PRKD1: variants seen among roughly 807,000 people sequenced by gnomAD.
The protein encoded by PRKD1 is protein kinase D1.
PRKD1 carries 63 observed loss-of-function variants against 95.9 expected under a neutral mutation model. That is an observed-to-expected ratio of 0.66 (90% CI 0.54 to 0.81). The LOEUF (loss-of-function observed/expected upper bound fraction) is 0.81, where lower values mean the gene tolerates loss of function less well. Ranked by LOEUF, PRKD1 falls within the 30% of genes least tolerant of loss-of-function variation. The probability of loss-of-function intolerance (pLI) is 0.00; values close to 1 mark genes in which losing one functional copy is unlikely to be tolerated. For synonymous variants in PRKD1, 425 were observed against 423.1 expected (o/e 1.00, Z -0.05); for missense variants, 1,048 against 1,165.3 (o/e 0.90, Z 1.47).
In PRKD1 at chr14:29,799,762, T is replaced by C. The variant is rs1046896805; in HGVS notation, c.265-74088A>G. The stretch of plus-strand genomic sequence containing the variant: ...AATGTATTTATGACACCAAAATAAA[T>C]ACTGCAGTGCTTTCGGGGTCACTTG... On this transcript the variant is annotated intron_variant, in intron 1 of 17. Coordinates refer to ENST00000331968, the MANE Select transcript of PRKD1 (RefSeq NM_002742.3). Among the ~76,000 whole-genome samples, 5 of 152,250 alleles carry C rather than the reference T, an allele frequency of 3.3e-5. No individual in the cohort carries two copies. In the South Asian group the frequency reaches 6.2e-4, roughly 19 times the overall value.
rs72239992 is a variant in PRKD1, at chr14:29,750,616, G to GCGCGCACACACACACA, written c.265-24943_265-24942insTGTGTGTGTGTGCGCG. Among the ~76,000 whole-genome samples the GCGCGCACACACACACA allele has an allele frequency of 8.1e-4, 120 of 148,480 alleles. 2 individuals carry two copies. Among genetic ancestry groups the GCGCGCACACACACACA allele is most frequent in the Admixed American group, 2.4e-3 (36 of 14,884 alleles). On this transcript the variant is annotated intron_variant, in intron 1 of 17. Transcript: ENST00000331968. ...CCTATCCCAGGATGCATGAACGCGC[G>GCGCGCACACACACACA]CACACACACACACACACACACTCAC...
chr14:29,812,199 T>A (rs940002054), intron 1 of PRKD1, among the ~76,000 whole-genome samples: 8 of 152,288 alleles, frequency 5.3e-5, no homozygotes, highest in African/African-American at 1.9e-4. Context: ...TATCTTTGTA[T>A]TATGTCTTAC....
In PRKD1 at chr14:29,606,110, T is replaced by C. The variant is rs559362937; in HGVS notation, c.1906-6293A>G. ...TCACTACAGCCTCCCCCTCTCGGGT[T>C]CAAGAGATTATTCTGCCTCAGTCTC... On this transcript the variant is annotated intron_variant, in intron 13 of 17. Transcript: ENST00000331968. Among the ~76,000 whole-genome samples, 3 of 152,292 alleles carry C rather than the reference T, an allele frequency of 2.0e-5. No homozygotes were observed. The East Asian group carries it at 5.8e-4, about 29-fold the overall frequency.
intron 1 of PRKD1, among the ~76,000 whole-genome samples, chr14:29,835,510 T>G (rs1331759025): frequency 6.6e-6 from 1 of 152,210 alleles, no homozygotes; most frequent in Non-Finnish European, 1.5e-5. Context: ...CTGACCAGCC[T>G]CGTTGAAATC....
intron 1 of PRKD1, among the ~76,000 whole-genome samples, chr14:29,809,968 C>A (rs1173337370): frequency 6.6e-6 from 1 of 152,100 alleles, no homozygotes; most frequent in Non-Finnish European, 1.5e-5. Context: ...CCTTAGAAGT[C>A]ATTGTAGAGT....
intron 1 of PRKD1, among the ~76,000 whole-genome samples, chr14:29,816,221 A>G (rs7142175): frequency 0.32 from 48,201 of 152,138 alleles, 9,241 homozygotes; most frequent in African/African-American, 0.54. Context: ...AAGAGCCTCC[A>G]TCTCAGTAAA....
At chr14:29,653,776 A>G (rs921175282) in intron 4 of PRKD1, among the ~76,000 whole-genome samples, 5 of 152,228 alleles carry the variant, frequency 3.3e-5, no homozygotes, top group Non-Finnish European at 5.9e-5. Context: ...TTAATAGAGG[A>G]TAACAGTCAT....
At chr14:29,914,665 G>A (rs1594624242) in intron 1 of PRKD1, among the ~76,000 whole-genome samples, 1 of 152,142 alleles carries the variant, frequency 6.6e-6, no homozygotes. Flanking sequence ...ACCGGCAGGT[G>A]GAGGTTACAG....
intron 2 of PRKD1, among the ~76,000 whole-genome samples, chr14:29,713,170 GA>G (rs941696682): frequency 6.6e-6 from 1 of 152,046 alleles, no homozygotes; most frequent in African/African-American, 2.4e-5. Flanking sequence ...TATTTGTTAT[GA>G]TTTTTCATCA....
intron 2 of PRKD1, among the ~76,000 whole-genome samples, chr14:29,671,034 G>C (rs1319211562): frequency 6.6e-6 from 1 of 151,998 alleles, no homozygotes; most frequent in African/African-American, 2.4e-5. Flanking sequence ...GAATTTGGGA[G>C]GCTGTGAATA....
At chr14:29,600,636 G>A (rs932567097) in intron 13 of PRKD1, among the ~76,000 whole-genome samples, 2 of 152,132 alleles carry the variant, frequency 1.3e-5, no homozygotes, top group African/African-American at 4.8e-5. Context: ...CCAAATGTGG[G>A]ATGTAAGTAT....
chr14:29,761,422 G>A (rs1887974581), intron 1 of PRKD1, among the ~76,000 whole-genome samples: 1 of 152,136 alleles, frequency 6.6e-6, no homozygotes, highest in Admixed American at 6.5e-5. Flanking sequence ...TTTCATTGTT[G>A]AGACTGTTAA....
chr14:29,881,818 T>C (rs1290762118), intron 1 of PRKD1, among the ~76,000 whole-genome samples: 2 of 152,152 alleles, frequency 1.3e-5, no homozygotes, highest in African/African-American at 4.8e-5. Context: ...CTCACCCAAG[T>C]CATAATATCA....
At chr14:29,925,686 T>A (rs1190831909) in intron 1 of PRKD1, among the ~76,000 whole-genome samples, 1 of 152,200 alleles carries the variant, frequency 6.6e-6, no homozygotes, top group African/African-American at 2.4e-5. Flanking sequence ...CAAAACAAAG[T>A]CTATCAATAT....
At chr14:29,605,447 A>G (rs1893670646) in intron 13 of PRKD1, among the ~76,000 whole-genome samples, 1 of 152,010 alleles carries the variant, frequency 6.6e-6, no homozygotes, top group Non-Finnish European at 1.5e-5. Flanking sequence ...TCTCCTTTCT[A>G]TGTTTTCATA....
chr14:29,603,595 C>T (rs990418722), intron 13 of PRKD1, among the ~76,000 whole-genome samples: 7 of 152,034 alleles, frequency 4.6e-5, no homozygotes, highest in African/African-American at 9.7e-5. Context: ...ATAAGTTCAA[C>T]CAAGGTGGTC....
At chr14:29,839,490 G>A (rs561997142) in intron 1 of PRKD1, among the ~76,000 whole-genome samples, 5 of 152,242 alleles carry the variant, frequency 3.3e-5, no homozygotes, top group South Asian at 2.1e-4. Flanking sequence ...CGGGGTGCAC[G>A]GTGCAAGCTG....
chr14:29,882,933 C>T (rs558958792), intron 1 of PRKD1, among the ~76,000 whole-genome samples: 3 of 152,218 alleles, frequency 2.0e-5, no homozygotes, highest in African/African-American at 4.8e-5. Flanking sequence ...TGGGTTGCTT[C>T]GACCCTTTGG....
At chr14:29,623,380 G>C (rs968894855) in intron 13 of PRKD1, among the ~76,000 whole-genome samples, 1 of 152,070 alleles carries the variant, frequency 6.6e-6, no homozygotes, top group African/African-American at 2.4e-5. Context: ...GAAATGAAAT[G>C]TTCCGTTTTG....
Sources: allele counts gnomAD v4.1 joint callset (sites outside exome capture counted in the v4.1 genomes callset), GRCh38; gene constraint gnomAD v4.1.1; transcripts MANE v1.5; gene names NCBI Gene and HGNC (gene_info 2026-07-23, HGNC 2026-07-21).